Variants in NAA11 observed in about 807,000 individuals in gnomAD.
NAA11 encodes N-alpha-acetyltransferase 11, NatA catalytic subunit.
In NAA11, 15 loss-of-function variants were observed where a neutral mutation model predicts 16.1. The ratio of observed to expected loss-of-function variants is 0.93; its 90% CI spans 0.62 to 1.44. NAA11 has a LOEUF of 1.44. Ranked by LOEUF, NAA11 falls within the 40% of genes most tolerant of loss-of-function variation. The pLI is 0.00. For synonymous variants in NAA11, 122 were observed against 112.4 expected (o/e 1.09, Z -0.54); for missense variants, 298 against 291.3 (o/e 1.02, Z -0.17).
Position 79,283,506 on chromosome 4 carries a change from G to T in NAA11, c.*122+10499C>A, listed in dbSNP as rs570261740. 9.9e-5 allele frequency among the ~76,000 whole-genome samples: 15 copies of T among 152,160 alleles called. No individual in the cohort carries two copies. The East Asian group carries it at 2.9e-3, about 29-fold the overall frequency. On this transcript the variant is annotated intron_variant and NMD_transcript_variant, in intron 2 of 2. Transcript: ENST00000511542. ...TGATGCAGGTAGATTGGTATATTTT[G>T]TGTTGGTAAGATGAGGGAATTTCTG...
intron 1 of NAA11, among the ~76,000 whole-genome samples, chr4:79,310,025 T>G (rs775741217): frequency 1.6e-4 from 24 of 152,160 alleles, no homozygotes; most frequent in Non-Finnish European, 3.2e-4. Context: ...TATTCTATCG[T>G]TATTGATATA....
downstream of NAA11, among the ~76,000 whole-genome samples, chr4:79,223,949 C>CT (rs552950942): frequency 4.2e-3 from 632 of 152,202 alleles, 1 homozygote; most frequent in Non-Finnish European, 6.9e-3. Flanking sequence ...CACTATATTT[C>CT]TCTCAACTTC....
At chr4:79,262,265 G>A in intron 2 of NAA11, among the ~76,000 whole-genome samples, 1 of 152,140 alleles carries the variant, frequency 6.6e-6, no homozygotes, top group African/African-American at 2.4e-5. Context: ...AGAAGTTGTA[G>A]ATATTGGAAA....
intron 2 of NAA11, among the ~76,000 whole-genome samples, chr4:79,240,895 A>G (rs1414240930): frequency 6.6e-6 from 1 of 152,116 alleles, no homozygotes; most frequent in Non-Finnish European, 1.5e-5. Context: ...AACAACAACA[A>G]AAAAAGGCAG....
At chr4:79,284,666 C>T (rs1722868745) in intron 2 of NAA11, among the ~76,000 whole-genome samples, 1 of 28,620 alleles carries the variant, frequency 3.5e-5, no homozygotes. Flanking sequence ...GTCAGGAGAT[C>T]GAGACCATCC....
chr4:79,251,313 A>G (rs1257268160), intron 2 of NAA11, among the ~76,000 whole-genome samples: 1 of 152,224 alleles, frequency 6.6e-6, no homozygotes, highest in Non-Finnish European at 1.5e-5. Flanking sequence ...GAATGAGATC[A>G]TGTTCTTTGC....
At chr4:79,311,156 G>T (rs1723758724) in intron 1 of NAA11, among the ~76,000 whole-genome samples, 1 of 152,098 alleles carries the variant, frequency 6.6e-6, no homozygotes, top group East Asian at 1.9e-4. Context: ...CCTCATTAAA[G>T]ACAGGAGCTT....
chr4:79,232,066 G>A (rs1721478906), intron 2 of NAA11, among the ~76,000 whole-genome samples: 1 of 151,660 alleles, frequency 6.6e-6, no homozygotes, highest in Admixed American at 6.6e-5. Flanking sequence ...TTATCTTTTG[G>A]ATAAATGTTT....
chr4:79,220,140 T>G, the NAA11 span, among the ~76,000 whole-genome samples: 1 of 152,232 alleles, frequency 6.6e-6, no homozygotes, highest in African/African-American at 2.4e-5. Context: ...TCACCCAGAC[T>G]GGAATGCAGT....
chr4:79,307,605 A>G (rs1723628585), intron 1 of NAA11, among the ~76,000 whole-genome samples: 2 of 152,216 alleles, frequency 1.3e-5, no homozygotes, highest in South Asian at 2.1e-4. Flanking sequence ...AAGCTAAAAA[A>G]TAATGAGACG....
intron 2 of NAA11, chr4:79,293,971 C>G (rs1723151977): frequency 6.6e-6 from 1 of 152,112 alleles, no homozygotes; most frequent in Admixed American, 6.5e-5. Flanking sequence ...TGAGTTGGAC[C>G]CTTTGTCCCC....
the NAA11 span, among the ~76,000 whole-genome samples, chr4:79,165,476 T>C: frequency 1.3e-5 from 2 of 152,236 alleles, no homozygotes; most frequent in African/African-American, 2.4e-5. Flanking sequence ...GAGCTCTTCC[T>C]GTTACTCTCC....
At chr4:79,186,006 G>T in the NAA11 span, among the ~76,000 whole-genome samples, 1 of 152,112 alleles carries the variant, frequency 6.6e-6, no homozygotes, top group East Asian at 1.9e-4. Flanking sequence ...ACAGTGTTTT[G>T]TGTGTGAGTG....
intron 2 of NAA11, among the ~76,000 whole-genome samples, chr4:79,273,371 G>T (rs974812023): frequency 2.0e-4 from 30 of 151,984 alleles, no homozygotes; most frequent in Admixed American, 2.0e-3. Context: ...ATGTCTAAAT[G>T]TATAGAAAGC....
At chr4:79,180,532 A>C in the NAA11 span, among the ~76,000 whole-genome samples, 1 of 152,242 alleles carries the variant, frequency 6.6e-6, no homozygotes, top group Non-Finnish European at 1.5e-5. Flanking sequence ...ACAATGAGAT[A>C]TCATCTCACA....
At chr4:79,304,775 G>A (rs1723521872) in intron 1 of NAA11, among the ~76,000 whole-genome samples, 1 of 152,042 alleles carries the variant, frequency 6.6e-6, no homozygotes, top group Admixed American at 6.6e-5. Flanking sequence ...AATGACGGTG[G>A]GGGTGCTGGT....
chr4:79,239,533 T>C (rs1315548787), intron 2 of NAA11, among the ~76,000 whole-genome samples: 2 of 152,072 alleles, frequency 1.3e-5, no homozygotes, highest in Non-Finnish European at 2.9e-5. Context: ...AAGCCCATCC[T>C]ACTAAAGAAA....
the NAA11 span, among the ~76,000 whole-genome samples, chr4:79,176,514 A>G: frequency 6.6e-6 from 1 of 152,056 alleles, no homozygotes; most frequent in Non-Finnish European, 1.5e-5. Context: ...CCTTCTTTCT[A>G]GGGGGAAATC....
chr4:79,199,937 C>T, the NAA11 span, among the ~76,000 whole-genome samples: 2 of 151,864 alleles, frequency 1.3e-5, no homozygotes, highest in Admixed American at 1.3e-4. Context: ...CTATTATGGT[C>T]AGGTGACCAT....
Sources: allele counts gnomAD v4.1 joint callset (sites outside exome capture counted in the v4.1 genomes callset), GRCh38; gene constraint gnomAD v4.1.1; transcripts MANE v1.5; gene names NCBI Gene and HGNC (gene_info 2026-07-23, HGNC 2026-07-21).